ST6GAL1: variants seen among roughly 807,000 people sequenced by gnomAD.
ST6GAL1 encodes ST6 beta-galactoside alpha-2,6-sialyltransferase 1, also known as beta-galactoside alpha-2,6-sialyltransferase 1.
ST6GAL1 carries 20 observed loss-of-function variants against 38.0 expected under a neutral mutation model. The ratio of observed to expected loss-of-function variants is 0.53; its 90% confidence interval spans 0.37 to 0.77. The LOEUF (loss-of-function observed/expected upper bound fraction) is 0.77. ST6GAL1 is among the 30% of genes least tolerant of loss of function. ST6GAL1 has a pLI of 0.00. For synonymous variants in ST6GAL1, 196 were observed against 188.2 expected, an observed-to-expected ratio of 1.04 and a Z score of -0.34; for missense variants, 432 against 496.4, an observed-to-expected ratio of 0.87 and a Z score of 1.23.
At chr3:187,073,167 C>T (rs1023532007) in intron 6 of ST6GAL1, among the ~76,000 whole-genome samples, 12 of 152,194 alleles carry the variant, frequency 7.9e-5, no homozygotes, top group Non-Finnish European at 1.3e-4. Context: ...CAGGTATTGT[C>T]TCCCAGTTAT....
Position 187,000,395 on chromosome 3 carries a change from CAAA to C in ST6GAL1, c.-183+36485_-183+36487del, listed in dbSNP as rs370577965. Among the ~76,000 whole-genome samples the C allele has an allele frequency of 8.7e-3, 1,079 of 123,488 alleles. 20 individuals carry two copies. The East Asian group carries it at 0.089, about 10-fold the overall frequency. The allele number at this position is 123,488 out of a possible 152,430, so 81.0% of individuals were successfully genotyped here. ...TGAAACCCCATCTCTACTAAAAATACAAAAAAAAAAAAAAAAAATTAGCTAGGC... is the reference window on the plus strand; with the variant it reads ...TGAAACCCCATCTCTACTAAAAATACAAAAAAAAAAAAAAATTAGCTAGGC... On this transcript the variant is annotated intron_variant, in intron 2 of 7. Transcript: ENST00000169298.
At position 187,075,573 on chromosome 3, in the gene ST6GAL1, A is replaced by G; in HGVS notation, c.991A>G (p.Met331Val). 1 of 1,614,128 alleles carries G rather than the reference A, an allele frequency of 6.2e-7. No homozygotes were observed. The highest frequency in any genetic ancestry group is 8.5e-7 in the Non-Finnish European group (1 of 1,179,980). Residue 331 changes from methionine to valine, a missense_variant, in exon 8 of 8, where the codon ATG becomes GTG. Met to Val is a conservative substitution (Grantham distance 21). Transcript: ENST00000169298. This position sits in a 1 kb window ranked among gnomAD's most constrained non-coding sequence, Gnocchi z 4.1. ...PSSGMLGIII[M>V]MTLCDQVDIY... ...GCTCCCCTCTCCAGGTATCATCATC[A>G]TGATGACGCTGTGTGACCAGGTGGA... is the stretch of plus-strand genomic sequence containing the variant.
intron 5 of ST6GAL1, chr3:187,064,670 T>G: frequency 6.6e-6 from 3 of 454,992 alleles, no homozygotes; most frequent in Non-Finnish European, 1.3e-5. Context: ...TATCTGGCTG[T>G]TCCTTTCGTA....
chr3:186,982,792 C>T (rs1364987948), intron 2 of ST6GAL1, among the ~76,000 whole-genome samples: 1 of 148,904 alleles, frequency 6.7e-6, no homozygotes, highest in East Asian at 2.1e-4. Context: ...AGTGTTTCTC[C>T]TGCTTCAGCC....
chr3:187,050,826 A>G (rs918596711), intron 4 of ST6GAL1, among the ~76,000 whole-genome samples: 3 of 152,178 alleles, frequency 2.0e-5, no homozygotes, highest in Non-Finnish European at 4.4e-5. Flanking sequence ...TGTGGGATAC[A>G]CTGAACATAT....
chr3:187,011,443 G>A (rs1716954107), intron 2 of ST6GAL1, among the ~76,000 whole-genome samples: 1 of 152,110 alleles, frequency 6.6e-6, no homozygotes, highest in Non-Finnish European at 1.5e-5. Flanking sequence ...ATTTTTTACT[G>A]AAGAAATCAG....
At chr3:186,975,305 G>T (rs138612074) in intron 2 of ST6GAL1, among the ~76,000 whole-genome samples, 9 of 152,304 alleles carry the variant, frequency 5.9e-5, no homozygotes, top group East Asian at 1.9e-4. Flanking sequence ...AGTGTCTGAG[G>T]AGGAGCTTAA....
Position 187,074,346 on chromosome 3 carries a change from C to A in ST6GAL1, c.979+13C>A. 1 of 1,552,582 alleles carries A rather than the reference C, an allele frequency of 6.4e-7. No homozygotes were observed. Among genetic ancestry groups the A allele is most frequent in the Non-Finnish European group, 8.7e-7 (1 of 1,153,128 alleles). ...TCTGGGATGCTTGGTGAGTTCATGT[C>A]GGGGAAAAGACCTTGCATGTTTGTT... On this transcript the variant is annotated intron_variant, in intron 7 of 7. Transcript: ENST00000169298.
At chr3:187,070,408 C>T (rs1039522459) in intron 5 of ST6GAL1, among the ~76,000 whole-genome samples, 3 of 146,046 alleles carry the variant, frequency 2.1e-5, no homozygotes, top group African/African-American at 7.7e-5. Context: ...TTCTTTTTTG[C>T]CCCCTAACAC....
intron 2 of ST6GAL1, chr3:186,996,520 A>G (rs1332716608): frequency 6.6e-6 from 1 of 152,216 alleles, no homozygotes; most frequent in Non-Finnish European, 1.5e-5. Flanking sequence ...CTCTGTGCAA[A>G]TAGCGGAGGG....
intron 2 of ST6GAL1, among the ~76,000 whole-genome samples, chr3:186,998,117 G>A (rs1359375791): frequency 6.6e-6 from 1 of 152,102 alleles, no homozygotes; most frequent in African/African-American, 2.4e-5. Context: ...AATACGGGAA[G>A]TAAAAAGAAA....
chr3:186,961,653 G>T (rs1278535073), intron 1 of ST6GAL1, among the ~76,000 whole-genome samples: 1 of 152,094 alleles, frequency 6.6e-6, no homozygotes, highest in African/African-American at 2.4e-5. Flanking sequence ...AGAGTGACAG[G>T]GCATGAGGCT....
chr3:187,023,488 A>C (rs1419730172), intron 2 of ST6GAL1, among the ~76,000 whole-genome samples: 1 of 152,170 alleles, frequency 6.6e-6, no homozygotes, highest in East Asian at 1.9e-4. Flanking sequence ...AACCAACCCA[A>C]ATGTCCAACA....
At chr3:186,974,347 A>G (rs905956560) in intron 2 of ST6GAL1, among the ~76,000 whole-genome samples, 1 of 152,082 alleles carries the variant, frequency 6.6e-6, no homozygotes, top group Non-Finnish European at 1.5e-5. Flanking sequence ...ACAGACCCGG[A>G]GCATCTTTTC....
intron 2 of ST6GAL1, among the ~76,000 whole-genome samples, chr3:187,028,673 A>G (rs527468362): frequency 1.8e-4 from 28 of 152,344 alleles, no homozygotes; most frequent in African/African-American, 6.3e-4. Flanking sequence ...CCCAAGGTGA[A>G]TCAAACCAAG....
chr3:186,935,732 A>G (rs1713929004), intron 1 of ST6GAL1, among the ~76,000 whole-genome samples: 2 of 152,170 alleles, frequency 1.3e-5, no homozygotes, highest in East Asian at 1.9e-4. Flanking sequence ...GTGGTAGGGA[A>G]TGTTAGTGGG....
At chr3:186,997,987 C>T (rs1051148249) in intron 2 of ST6GAL1, among the ~76,000 whole-genome samples, 7 of 152,098 alleles carry the variant, frequency 4.6e-5, no homozygotes, top group Non-Finnish European at 8.8e-5. Flanking sequence ...TGGCTCGTGC[C>T]TATAATTCCA....
rs945262217 is a variant in ST6GAL1 at position 187,074,302 on chromosome 3, T to G, written c.948T>G (p.Ile316Met). The G allele has an allele frequency of 1.2e-6, 2 of 1,601,664 alleles. No homozygotes were observed. Among genetic ancestry groups the G allele is most frequent in the Non-Finnish European group, 1.7e-6 (2 of 1,174,542 alleles). Residue 316 changes from isoleucine to methionine, a missense_variant, in exon 7 of 8, where the codon ATT (isoleucine) becomes ATG (methionine). Physicochemically the swap from Ile to Met is conservative, Grantham distance 10 (BLOSUM62 1). Transcript: ENST00000169298. ...TTCAAGAAATCTCCCCAGAAGAGAT[T>G]CAGCCAAACCCCCCATCCTCTGGGA... is the stretch of plus-strand genomic sequence containing the variant. ...DILQEISPEEIQPNPPSSGML... is the reference protein window; with the variant it reads ...DILQEISPEEMQPNPPSSGML...
At position 187,076,144 on chromosome 3, in the gene ST6GAL1, A is replaced by G. The variant is rs1293324357; in HGVS notation, c.*341A>G. ...AGCTGGGCTTTGTTTTTCCCAGCAG[A>G]ATGATGCCATTCTCACAAACCAATG... On this transcript the variant is annotated 3_prime_UTR_variant, in exon 8 of 8. Transcript: ENST00000169298. 3.5e-6 allele frequency: 1 copy of G among 288,586 alleles called. No homozygotes were observed. The highest frequency in any genetic ancestry group is 2.1e-5 in the African/African-American group (1 of 46,532). 17.9% of individuals were successfully genotyped at this position (288,586 alleles called of 1,614,324 possible). A position where few individuals can be genotyped will look rare whatever the true frequency, so the allele number is the denominator to read the frequency against.
Sources: gnomAD v4.1 joint callset for allele counts (sites outside exome capture counted in the v4.1 genomes callset) on GRCh38, gnomAD v4.1.1 for gene constraint, Gnocchi (gnomAD v3.1) non-coding constraint, MANE v1.5 for transcripts, NCBI Gene and HGNC (gene_info 2026-07-23, HGNC 2026-07-21) for gene names.